The following NOS1AP variants were observed in gnomAD, a reference collection of about 807,000 sequenced individuals.
The protein encoded by NOS1AP is carboxyl-terminal PDZ ligand of neuronal nitric oxide synthase protein.
A neutral mutation model predicts 56.2 loss-of-function variants in NOS1AP; 21 were observed. The ratio of observed to expected loss-of-function variants is 0.37; its 90% CI spans 0.26 to 0.54. NOS1AP has a LOEUF of 0.54. NOS1AP is among the 20% of genes least tolerant of loss of function. NOS1AP has a pLI of 0.84. For missense variants in NOS1AP, 522 were observed against 657.8 expected, an observed-to-expected ratio of 0.79 and a Z score of 2.26; for synonymous variants, 270 against 274.6, an observed-to-expected ratio of 0.98 and a Z score of 0.17.
intron 2 of NOS1AP, among the ~76,000 whole-genome samples, chr1:162,223,156 A>G (rs1255545634): frequency 1.3e-5 from 2 of 151,562 alleles, no homozygotes. Flanking sequence ...TTCCTATTAC[A>G]TGTAAGAGTT....
At chr1:162,124,969 C>A (rs1648419826) in intron 1 of NOS1AP, among the ~76,000 whole-genome samples, 1 of 151,962 alleles carries the variant, frequency 6.6e-6, no homozygotes, top group African/African-American at 2.4e-5. Context: ...CTGTAGATAC[C>A]CAGTAGTGGG....
At chr1:162,087,357 GTGGGAGGGAGGCAGC>G (rs1398240069) in intron 1 of NOS1AP, among the ~76,000 whole-genome samples, 15 of 152,166 alleles carry the variant, frequency 9.9e-5, no homozygotes, top group African/African-American at 3.4e-4. Flanking sequence ...GATGTGCCAT[GTGGGAGGGAGGCAGC>G]CACCTCCCCA....
chr1:162,070,519 C>T (rs908704075), intron 1 of NOS1AP, among the ~76,000 whole-genome samples: 3 of 152,226 alleles, frequency 2.0e-5, no homozygotes, highest in Non-Finnish European at 4.4e-5. Flanking sequence ...CCCTTCCCAC[C>T]TGCAGACTCC....
chr1:162,352,830 C>T (rs1419597400), intron 6 of NOS1AP, among the ~76,000 whole-genome samples: 1 of 152,188 alleles, frequency 6.6e-6, no homozygotes, highest in Non-Finnish European at 1.5e-5. Flanking sequence ...CATATGAACA[C>T]CAACATTCAG....
At chr1:162,153,832 A>G (rs370269475) in intron 1 of NOS1AP, among the ~76,000 whole-genome samples, 6 of 152,360 alleles carry the variant, frequency 3.9e-5, no homozygotes, top group South Asian at 2.1e-4. Flanking sequence ...CATATTAAGC[A>G]TTCATTCATC....
chr1:162,178,302 A>T (rs114893844), intron 2 of NOS1AP, among the ~76,000 whole-genome samples: 1 of 152,348 alleles, frequency 6.6e-6, no homozygotes, highest in African/African-American at 2.4e-5. Flanking sequence ...TAAAGCTGCC[A>T]AGAACATCTG....
At chr1:162,222,651 T>C (rs1652819431) in intron 2 of NOS1AP, among the ~76,000 whole-genome samples, 1 of 152,242 alleles carries the variant, frequency 6.6e-6, no homozygotes, top group Admixed American at 6.5e-5. Flanking sequence ...TAGAGGCACA[T>C]GCCCACACAC....
chr1:162,300,235 C>T (rs1655599994), intron 3 of NOS1AP, among the ~76,000 whole-genome samples: 1 of 152,182 alleles, frequency 6.6e-6, no homozygotes, highest in Admixed American at 6.5e-5. Flanking sequence ...ACTCCTCATT[C>T]CTAGCTTAGA....
chr1:162,344,055 C>T (rs769654732), intron 6 of NOS1AP, 79 bp downstream of exon 6: 52 of 1,509,096 alleles, frequency 3.4e-5, no homozygotes, highest in Non-Finnish European at 4.3e-5. Flanking sequence ...GCCCTGACCC[C>T]CAGGCTGTGA....
At chr1:162,245,685 A>AT (rs1473111458) in intron 2 of NOS1AP, among the ~76,000 whole-genome samples, 1 of 152,238 alleles carries the variant, frequency 6.6e-6, no homozygotes, top group Non-Finnish European at 1.5e-5. Context: ...TGAATGAGAC[A>AT]TTTTACAATC....
intron 1 of NOS1AP, among the ~76,000 whole-genome samples, chr1:162,148,195 C>A (rs2102085763): frequency 6.6e-6 from 1 of 152,314 alleles, no homozygotes; most frequent in Non-Finnish European, 1.5e-5. Flanking sequence ...ATCCAGGACT[C>A]AGGATGCTCC....
Position 162,100,105 on chromosome 1 carries a change from G to A in NOS1AP, c.105+29823G>A, listed in dbSNP as rs537356541. Among the ~76,000 whole-genome samples the A allele has an allele frequency of 6.9e-3, 1,048 of 152,298 alleles. 11 individuals carry two copies. Among genetic ancestry groups the A allele is most frequent in the African/African-American group, 0.024 (1,003 of 41,542 alleles). On this transcript the variant is annotated intron_variant, in intron 1 of 9. Coordinates refer to ENST00000361897, the MANE Select transcript of NOS1AP (RefSeq NM_014697.3). ...CCGCAATAAGCATACGTGTGCATGT[G>A]TCTTTATAGCAGCATGATTTATAAT...
At chr1:162,202,036 G>A (rs140321023) in intron 2 of NOS1AP, among the ~76,000 whole-genome samples, 2 of 152,288 alleles carry the variant, frequency 1.3e-5, no homozygotes, top group Admixed American at 6.5e-5. Flanking sequence ...TTAATCTGGA[G>A]AGGGCAAAAC....
At chr1:162,272,983 G>A (rs1654627733) in intron 2 of NOS1AP, among the ~76,000 whole-genome samples, 1 of 151,986 alleles carries the variant, frequency 6.6e-6, no homozygotes, top group Admixed American at 6.5e-5. Context: ...TGGTACCATA[G>A]CAGCTGGATG....
chr1:162,262,588 T>A (rs1481170766), intron 2 of NOS1AP, among the ~76,000 whole-genome samples: 1 of 152,230 alleles, frequency 6.6e-6, no homozygotes, highest in Non-Finnish European at 1.5e-5. Context: ...TTAGATTAAC[T>A]TTTATTTTTA....
At chr1:162,364,722 G>A (rs1271885853) in intron 8 of NOS1AP, 40 of 985,766 alleles carry the variant, frequency 4.1e-5, no homozygotes, top group Non-Finnish European at 4.7e-5. Flanking sequence ...GGTAATATGT[G>A]GTATGAATCA....
intron 6 of NOS1AP, among the ~76,000 whole-genome samples, chr1:162,344,779 A>T (rs950507529): frequency 3.9e-5 from 6 of 151,900 alleles, no homozygotes; most frequent in Admixed American, 6.6e-5. Context: ...AAGAGCAGAT[A>T]AAAAAAATAT....
At chr1:162,269,921 A>G (rs1654535261) in intron 2 of NOS1AP, among the ~76,000 whole-genome samples, 1 of 152,214 alleles carries the variant, frequency 6.6e-6, no homozygotes, top group Non-Finnish European at 1.5e-5. Context: ...AACTTGTCAC[A>G]GTGTTGAGCT....
intron 1 of NOS1AP, among the ~76,000 whole-genome samples, chr1:162,138,469 C>A (rs1649096270): frequency 6.6e-6 from 1 of 152,146 alleles, no homozygotes; most frequent in African/African-American, 2.4e-5. Context: ...TTGTGTTATA[C>A]CCTTGCATAG....
Sources: allele counts gnomAD v4.1 joint callset (sites outside exome capture counted in the v4.1 genomes callset), GRCh38; gene constraint gnomAD v4.1.1; transcripts MANE v1.5; gene names NCBI Gene and HGNC (gene_info 2026-07-23, HGNC 2026-07-21).